Variants in STARD13 observed in about 807,000 individuals in gnomAD.
The protein encoded by STARD13 is StAR related lipid transfer domain containing 13, also known as stAR-related lipid transfer protein 13.
Under a neutral mutation model 106.4 loss-of-function variants are expected in STARD13, and 62 were observed. The observed-to-expected ratio is 0.58, with a 90% CI of 0.48 to 0.72. STARD13 has a LOEUF of 0.72. Ranked by LOEUF, STARD13 falls within the 30% of genes least tolerant of loss-of-function variation. The pLI is 0.00. For synonymous variants in STARD13, 565 were observed against 553.0 expected (o/e 1.02, Z -0.31); for missense variants, 1,387 against 1,424.0 (o/e 0.97, Z 0.42).
At chr13:33,668,926 C>T in the STARD13 span, among the ~76,000 whole-genome samples, 1 of 152,308 alleles carries the variant, frequency 6.6e-6, no homozygotes, top group African/African-American at 2.4e-5. Context: ...AAGTAGTTTA[C>T]CACATATTGT....
chr13:33,423,868 C>T, the STARD13 span, among the ~76,000 whole-genome samples: 1 of 152,184 alleles, frequency 6.6e-6, no homozygotes, highest in Non-Finnish European at 1.5e-5. Flanking sequence ...ACGGCATGTT[C>T]TCACTCATAG....
chr13:33,498,596 C>T, the STARD13 span, among the ~76,000 whole-genome samples: 1 of 152,010 alleles, frequency 6.6e-6, no homozygotes, highest in South Asian at 2.1e-4. Context: ...CCAAATTATA[C>T]ATATTAAATG....
the STARD13 span, among the ~76,000 whole-genome samples, chr13:33,365,577 A>G: frequency 6.6e-6 from 1 of 152,208 alleles, no homozygotes; most frequent in African/African-American, 2.4e-5. Context: ...CCAAGAGTGA[A>G]CACAAGATTA....
chr13:33,360,857 G>T, the STARD13 span, among the ~76,000 whole-genome samples: 1 of 142,058 alleles, frequency 7.0e-6, no homozygotes, highest in African/African-American at 2.6e-5. Flanking sequence ...GTGCAGTGGC[G>T]CAATCTGAGC....
the STARD13 span, among the ~76,000 whole-genome samples, chr13:33,388,881 A>T: frequency 4.6e-5 from 7 of 151,138 alleles, no homozygotes; most frequent in Non-Finnish European, 8.8e-5. Context: ...CAGTGTCCTG[A>T]GCTCCTAGTA....
intron 1 of STARD13, among the ~76,000 whole-genome samples, chr13:33,309,656 G>A (rs74045799): frequency 6.6e-6 from 1 of 152,300 alleles, no homozygotes; most frequent in African/African-American, 2.4e-5. Context: ...TGTAACAACT[G>A]CCCTGTGTTC....
intron 1 of STARD13, chr13:33,350,216 C>T: frequency 6.9e-7 from 1 of 1,444,798 alleles, no homozygotes. Context: ...CAGAGGAGGG[C>T]GGCGGGCCCG....
the STARD13 span, chr13:33,659,900 AC>A: frequency 6.6e-6 from 1 of 152,232 alleles, no homozygotes; most frequent in African/African-American, 2.4e-5. Context: ...AACTATGTCT[AC>A]AACCAAAATA....
chr13:33,188,519 T>C (rs1885974544), intron 1 of STARD13, among the ~76,000 whole-genome samples: 1 of 152,146 alleles, frequency 6.6e-6, no homozygotes, highest in Admixed American at 6.5e-5. Flanking sequence ...CATACTCAAC[T>C]TCACTGTAAA....
chr13:33,190,617 C>T (rs1229647749), intron 1 of STARD13, among the ~76,000 whole-genome samples: 1 of 145,090 alleles, frequency 6.9e-6, no homozygotes, highest in Non-Finnish European at 1.5e-5. Context: ...GACCAAGTCT[C>T]ACTCTATTGC....
At chr13:33,495,935 ATAAT>A in the STARD13 span, among the ~76,000 whole-genome samples, 4 of 143,704 alleles carry the variant, frequency 2.8e-5, no homozygotes, top group African/African-American at 1.0e-4. Flanking sequence ...ATTATTGTAT[ATAAT>A]TATATTATTT....
At chr13:33,370,792 TTG>T in the STARD13 span, among the ~76,000 whole-genome samples, 4 of 151,732 alleles carry the variant, frequency 2.6e-5, no homozygotes. Flanking sequence ...CTGATTTTTT[TTG>T]TATTTTTAGT....
At chr13:33,227,976 C>T (rs574099604) in intron 1 of STARD13, among the ~76,000 whole-genome samples, 4 of 152,220 alleles carry the variant, frequency 2.6e-5, no homozygotes, top group Admixed American at 2.0e-4. Context: ...ATTGAATGTG[C>T]GATCGTAAAA....
At chr13:33,451,057 T>C in the STARD13 span, among the ~76,000 whole-genome samples, 2 of 152,100 alleles carry the variant, frequency 1.3e-5, no homozygotes, top group African/African-American at 4.8e-5. Context: ...TAATTTTTTA[T>C]TTTTTGTAGA....
chr13:33,126,392 A>G (rs1258427444), intron 6 of STARD13, 152 bp from the exon 7 acceptor site: 1 of 760,460 alleles, frequency 1.3e-6, no homozygotes, highest in Non-Finnish European at 2.2e-6. Flanking sequence ...ATCACAGGAC[A>G]CTGCTGTGCT....
the STARD13 span, among the ~76,000 whole-genome samples, chr13:33,676,526 C>A: frequency 6.6e-6 from 1 of 152,122 alleles, no homozygotes; most frequent in Non-Finnish European, 1.5e-5. Flanking sequence ...CAGAGCTGTG[C>A]GTGCACGTTT....
the STARD13 span, among the ~76,000 whole-genome samples, chr13:33,421,586 C>G: frequency 1.3e-5 from 2 of 152,218 alleles, no homozygotes; most frequent in African/African-American, 4.8e-5. Context: ...TCCTCCCTAA[C>G]TCATTTTATG....
Position 33,130,639 on chromosome 13 carries a change from C to G in STARD13, c.388-350G>C, listed in dbSNP as rs891037713. ...GACTAGACGGTCTAAATATAAAGCA[C>G]CTGCAGTCTTCTTTTTCACAAAGGA... On this transcript the variant is annotated intron_variant, in intron 4 of 13. Transcript: ENST00000336934. This position sits in a 1 kb window ranked among gnomAD's most constrained non-coding sequence, Gnocchi z 4.1. Among the ~76,000 whole-genome samples, 1 of 152,182 alleles carries G rather than the reference C, an allele frequency of 6.6e-6. No homozygotes were observed. The highest frequency in any genetic ancestry group is 2.4e-5 in the African/African-American group (1 of 41,442).
At chr13:33,481,737 T>A in the STARD13 span, among the ~76,000 whole-genome samples, 1 of 152,164 alleles carries the variant, frequency 6.6e-6, no homozygotes, top group Non-Finnish European at 1.5e-5. Context: ...ATTTGAACTC[T>A]GATTTAAACA....
Sources: allele counts gnomAD v4.1 joint callset (sites outside exome capture counted in the v4.1 genomes callset), GRCh38; gene constraint gnomAD v4.1.1; non-coding constraint Gnocchi (gnomAD v3.1); transcripts MANE v1.5; gene names NCBI Gene and HGNC (gene_info 2026-07-23, HGNC 2026-07-21).